Variants in TMEM232 observed in about 807,000 individuals in gnomAD.
TMEM232 encodes transmembrane protein 232.
Under a neutral mutation model 78.8 loss-of-function variants are expected in TMEM232, and 80 were observed. The ratio of observed to expected loss-of-function variants is 1.01; its 90% CI spans 0.85 to 1.22. TMEM232 has a LOEUF of 1.22. TMEM232 is among the 50% of genes most tolerant of loss of function. TMEM232 has a pLI of 0.00. For synonymous variants in TMEM232, 297 were observed against 254.3 expected (o/e 1.17, Z -1.60); for missense variants, 881 against 742.2 (o/e 1.19, Z -2.17).
At chr5:110,646,349 C>T (rs995618739) in intron 2 of TMEM232, among the ~76,000 whole-genome samples, 16 of 151,630 alleles carry the variant, frequency 1.1e-4, no homozygotes, top group Non-Finnish European at 1.9e-4. Context: ...AGTAATTAAA[C>T]CAGCATGGTA....
intron 3 of TMEM232, among the ~76,000 whole-genome samples, chr5:110,396,928 C>T (rs1452672767): frequency 6.6e-6 from 1 of 152,062 alleles, no homozygotes; most frequent in African/African-American, 2.4e-5. Flanking sequence ...CTGAAAAACT[C>T]GTAACTCGAA....
chr5:110,403,892 T>C (rs1451694897), intron 2 of TMEM232, among the ~76,000 whole-genome samples: 3 of 151,796 alleles, frequency 2.0e-5, no homozygotes, highest in South Asian at 2.1e-4. Flanking sequence ...CTGAGCAGCA[T>C]TGGTTATAAC....
chr5:110,498,587 T>C (rs111620432), intron 12 of TMEM232, among the ~76,000 whole-genome samples: 2,134 of 152,216 alleles, frequency 0.014, 42 homozygotes, highest in African/African-American at 0.049. Context: ...TTGAAGGGGA[T>C]TGAATTCTTG....
intron 1 of TMEM232, among the ~76,000 whole-genome samples, chr5:110,697,718 C>T (rs182440095): frequency 2.0e-5 from 3 of 152,288 alleles, no homozygotes; most frequent in African/African-American, 7.2e-5. Context: ...CACTGGCCAT[C>T]AGAGAAATGC....
chr5:110,692,691 C>T (rs1159303564), intron 1 of TMEM232, among the ~76,000 whole-genome samples: 2 of 152,196 alleles, frequency 1.3e-5, no homozygotes, highest in Non-Finnish European at 2.9e-5. Flanking sequence ...ACCCATGGAG[C>T]ATCGCTCATT....
chr5:110,551,676 A>G (rs1774483052), intron 11 of TMEM232, among the ~76,000 whole-genome samples: 1 of 152,188 alleles, frequency 6.6e-6, no homozygotes, highest in African/African-American at 2.4e-5. Flanking sequence ...TGAGCAATAA[A>G]AATACAAGGG....
At chr5:110,604,620 G>A (rs1781325513) in intron 10 of TMEM232, among the ~76,000 whole-genome samples, 1 of 152,116 alleles carries the variant, frequency 6.6e-6, no homozygotes, top group Non-Finnish European at 1.5e-5. Context: ...TGAATCATCA[G>A]TCAACTGAAT....
At chr5:110,423,807 G>GTGTA (rs1554075276) in intron 13 of TMEM232, among the ~76,000 whole-genome samples, 2 of 150,780 alleles carry the variant, frequency 1.3e-5, no homozygotes, top group African/African-American at 2.5e-5. Context: ...GTGTGTGTGT[G>GTGTA]TGTATGTGTA....
At chr5:110,736,622 A>G (rs1004325645) in intron 1 of TMEM232, among the ~76,000 whole-genome samples, 5 of 151,996 alleles carry the variant, frequency 3.3e-5, no homozygotes, top group Non-Finnish European at 7.4e-5. Flanking sequence ...CCATTACACT[A>G]TCACTCGAGA....
chr5:110,669,461 C>T (rs1791073796), intron 1 of TMEM232, among the ~76,000 whole-genome samples: 1 of 152,152 alleles, frequency 6.6e-6, no homozygotes, highest in South Asian at 2.1e-4. Context: ...AGACCAATAA[C>T]AGGCTCTGAA....
chr5:110,404,462 AACTCT>A (rs1755713605), intron 2 of TMEM232, among the ~76,000 whole-genome samples: 2 of 152,204 alleles, frequency 1.3e-5, no homozygotes, highest in African/African-American at 4.8e-5. Context: ...TGGTTTTAAA[AACTCT>A]ACTCTGAAAA....
intron 8 of TMEM232, 68 bp from the exon 9 acceptor site, chr5:110,606,355 G>A (rs1781543700): frequency 2.1e-6 from 3 of 1,401,634 alleles, no homozygotes; most frequent in East Asian, 2.5e-5. Flanking sequence ...AACTTTTAAT[G>A]TGAAAAAATG....
rs928505847 is a variant in TMEM232 at position 110,420,692 on chromosome 5, T to C, written c.1862A>G (p.Asp621Gly). 12 of 1,527,070 alleles carry C rather than the reference T, an allele frequency of 7.9e-6. No homozygotes were observed. Among genetic ancestry groups the C allele is most frequent in the Admixed American group, 2.0e-5 (1 of 49,042 alleles). The allele number at this position is 1,527,070 out of a possible 1,614,324, so 94.6% of individuals were successfully genotyped here. A position where few individuals can be genotyped will look rare whatever the true frequency, so the allele number is the denominator to read the frequency against. ...GTGATTTTTCTCTGCTAACTTTTTA[T>C]CTTTAAGTTCTTGGGCCTTGCATAT... is the stretch of plus-strand genomic sequence containing the variant. Reference protein sequence around the residue: ...DAICKAQELKDKKLAEKNHFQ... With the variant: ...DAICKAQELKGKKLAEKNHFQ... The change falls in exon 14 of 14, where the codon GAT (aspartate) becomes GGT (glycine). Residue 621 changes from aspartate to glycine, a missense_variant. By Grantham distance (94) the Asp-to-Gly change is moderately conservative. Coordinates refer to ENST00000455884, the MANE Select transcript of TMEM232 (RefSeq NM_001039763.4).
intron 12 of TMEM232, among the ~76,000 whole-genome samples, chr5:110,512,201 TATA>T (rs1767866396): frequency 6.6e-6 from 1 of 152,208 alleles, no homozygotes; most frequent in African/African-American, 2.4e-5. Context: ...GTGGAAGAAG[TATA>T]ATTTTTATTA....
At chr5:110,733,064 A>G (rs1798828694) in intron 2 of TMEM232, among the ~76,000 whole-genome samples, 1 of 152,250 alleles carries the variant, frequency 6.6e-6, no homozygotes, top group Non-Finnish European at 1.5e-5. Flanking sequence ...CAACATGTAT[A>G]TGAAAAAAAG....
intron 10 of TMEM232, among the ~76,000 whole-genome samples, chr5:110,593,167 G>C (rs1580283828): frequency 6.6e-6 from 1 of 152,192 alleles, no homozygotes; most frequent in South Asian, 2.1e-4. Flanking sequence ...AAGGAAGAAA[G>C]CTCACATAAT....
chr5:110,622,997 A>C (rs1278016073), intron 7 of TMEM232, among the ~76,000 whole-genome samples: 2 of 112,026 alleles, frequency 1.8e-5, no homozygotes, highest in East Asian at 5.6e-4. Context: ...TATAATAATA[A>C]ATAAATAAAT....
intron 2 of TMEM232, among the ~76,000 whole-genome samples, chr5:110,657,665 T>A (rs2150087929): frequency 6.6e-6 from 1 of 152,176 alleles, no homozygotes; most frequent in South Asian, 2.1e-4. Flanking sequence ...AAGAATTTGT[T>A]TTCGTGTTCT....
chr5:110,693,416 T>G (rs989614836), intron 1 of TMEM232, among the ~76,000 whole-genome samples: 1 of 152,170 alleles, frequency 6.6e-6, no homozygotes, highest in African/African-American at 2.4e-5. Flanking sequence ...TCCAAAGGAA[T>G]GCAGCTCCTC....
Sources: allele counts gnomAD v4.1 joint callset (sites outside exome capture counted in the v4.1 genomes callset), GRCh38; gene constraint gnomAD v4.1.1; transcripts MANE v1.5; gene names NCBI Gene and HGNC (gene_info 2026-07-23, HGNC 2026-07-21).